DCST2: variants seen among roughly 807,000 people sequenced by gnomAD.
The protein encoded by DCST2 is DC-STAMP domain-containing protein 2.
A neutral mutation model predicts 81.8 loss-of-function variants in DCST2; 64 were observed. That is an observed-to-expected ratio of 0.78 (90% CI 0.64 to 0.96). The LOEUF (loss-of-function observed/expected upper bound fraction) is 0.96. DCST2 is among the 40% of genes least tolerant of loss of function. DCST2 has a pLI of 0.00. For synonymous variants in DCST2, 354 were observed against 402.6 expected (o/e 0.88, Z 1.44); for missense variants, 945 against 1,001.4 (o/e 0.94, Z 0.76).
At position 155,030,560 on chromosome 1, in the gene DCST2, G is replaced by A. The variant is rs1432470574; in HGVS notation, c.891C>T (p.Ala297=). 6.2e-7 allele frequency: 1 copy of A among 1,614,026 alleles called. No homozygotes were observed. Among genetic ancestry groups the A allele is most frequent in the Non-Finnish European group, 8.5e-7 (1 of 1,180,038 alleles). The part of the protein sequence containing the change: ...ATHHFSVDLN[A]SRSLSQVAMD... ...TGGCTACCTGGGACAGGCTCCGAGA[G>A]GCATTGAGATCCACAGAGAAGTGGT... The change falls in exon 6 of 15, where the codon GCC becomes GCT. Residue 297 remains alanine, a synonymous_variant. Coordinates refer to ENST00000368424, the MANE Select transcript of DCST2 (RefSeq NM_144622.3).
rs1169046052 is a variant in DCST2, at chr1:155,030,722, G to C, written c.806-77C>G. ...TGGAGCTGCCCCTGGGGAGGGGCCTGGCACAGCCCAGGGGGCGCAGCTTAC... is the reference window on the plus strand; with the variant it reads ...TGGAGCTGCCCCTGGGGAGGGGCCTCGCACAGCCCAGGGGGCGCAGCTTAC... On this transcript the variant is annotated intron_variant, in intron 5 of 14. Transcript: ENST00000368424. 4.0e-6 allele frequency: 6 copies of C among 1,516,540 alleles called. No individual in the cohort carries two copies. In the East Asian group the frequency reaches 9.2e-5, roughly 23 times the overall value. 93.9% of individuals were successfully genotyped at this position (1,516,540 alleles called of 1,614,324 possible).
chr1:155,023,080 C>A, intron 14 of DCST2, 37 bp downstream of exon 14: 1 of 1,600,104 alleles, frequency 6.2e-7, no homozygotes, highest in Non-Finnish European at 8.5e-7. Flanking sequence ...GCTTAGGACT[C>A]ACAATTCCCA....
At chr1:155,031,957 T>A (rs1475104342) in intron 3 of DCST2, among the ~76,000 whole-genome samples, 186 bp from the exon 4 acceptor site, 1 of 152,124 alleles carries the variant, frequency 6.6e-6, no homozygotes, top group Non-Finnish European at 1.5e-5. Context: ...AGGGTACAGG[T>A]GAGGAGACTG....
rs750679762 is a variant in DCST2, at chr1:155,033,583, T to C, written c.119A>G (p.Tyr40Cys). 1 of 1,614,158 alleles carries C rather than the reference T, an allele frequency of 6.2e-7. No homozygotes were observed. The highest frequency in any genetic ancestry group is 1.1e-5 in the South Asian group (1 of 91,086). ...FTLGLSLATAYGLLELLVEGH... is the reference protein window; with the variant it reads ...FTLGLSLATACGLLELLVEGH... ...TTCCACCAGTAGCTCCAGAAGCCCGTAGGCCGTGGCTAAAGACAAGCCCAG... is the reference window on the plus strand; with the variant it reads ...TTCCACCAGTAGCTCCAGAAGCCCGCAGGCCGTGGCTAAAGACAAGCCCAG... The change falls in exon 1 of 15, where the codon TAC (tyrosine) becomes TGC (cysteine). Residue 40 changes from tyrosine to cysteine, a missense_variant. Tyr to Cys is a radical substitution (Grantham distance 194). Coordinates refer to ENST00000368424, the MANE Select transcript of DCST2 (RefSeq NM_144622.3).
At chr1:155,025,744 G>A (rs1363682531) in intron 10 of DCST2, among the ~76,000 whole-genome samples, 1 of 151,552 alleles carries the variant, frequency 6.6e-6, no homozygotes. Context: ...CCATTACCAG[G>A]CTGGAGTGCA....
At chr1:155,030,822 C>T (rs1329976676) in intron 5 of DCST2, 177 bp from the exon 6 acceptor site, 2 of 647,324 alleles carry the variant, frequency 3.1e-6, no homozygotes, top group Non-Finnish European at 5.3e-6. Flanking sequence ...GTATCTGTGC[C>T]ATCGCCATCA....
Position 155,026,304 on chromosome 1 carries a change from G to T in DCST2, c.1609C>A (p.Gln537Lys). ...ICASYYPSRE[Q>K]ERISYLYNVL... Reference sequence around the variant, plus strand: ...GCTCCCAGCCCCGGACCCCTCACCTGCTCCCGGGATGGGTAGTAGGAGGCA... The same window carrying T: ...GCTCCCAGCCCCGGACCCCTCACCTTCTCCCGGGATGGGTAGTAGGAGGCA... Residue 537 changes from glutamine (Q) to lysine (K), a missense_variant and splice_region_variant, in exon 10 of 15, where the codon CAG (glutamine) becomes AAG (lysine). Transcript: ENST00000368424. 6.2e-7 allele frequency: 1 copy of T among 1,613,690 alleles called. No homozygotes were observed. The highest frequency in any genetic ancestry group is 8.5e-7 in the Non-Finnish European group (1 of 1,179,996).
At position 155,029,326 on chromosome 1, in the gene DCST2, G is replaced by A; in HGVS notation, c.1249C>T (p.Leu417Phe). Residue 417 changes from leucine (L) to phenylalanine (F), a missense_variant, in exon 8 of 15, where the codon CTC becomes TTC. Transcript: ENST00000368424. ...LETFNLIRHLLLVLFLVFLDY... is the reference protein window; with the variant it reads ...LETFNLIRHLFLVLFLVFLDY... ...AGGAAGACTAGGAACAGCACGAGGAGGAGGTGTCGGATAAGGTTGAAGGTC... is the reference window on the plus strand; with the variant it reads ...AGGAAGACTAGGAACAGCACGAGGAAGAGGTGTCGGATAAGGTTGAAGGTC... 1 of 1,614,128 alleles carries A rather than the reference G, an allele frequency of 6.2e-7. No homozygotes were observed. The highest frequency in any genetic ancestry group is 2.2e-5 in the East Asian group (1 of 44,888).
In DCST2 at chr1:155,031,641, T is replaced by C. The variant is rs1409627438; in HGVS notation, c.672A>G (p.Ile224Met). Residue 224 changes from isoleucine (I) to methionine (M), a missense_variant, in exon 4 of 15, where the codon ATA becomes ATG. Coordinates refer to ENST00000368424, the MANE Select transcript of DCST2 (RefSeq NM_144622.3). Reference protein sequence around the residue: ...DDAKDSCMMVIPQAYHLCYVL... With the variant: ...DDAKDSCMMVMPQAYHLCYVL... ...CGTAACACAGGTGGTAGGCTTGTGG[T>C]ATGACCATCATGCAGCTGTCCTTGG... The C allele has an allele frequency of 6.2e-7, 1 of 1,613,604 alleles. No individual in the cohort carries two copies. Among genetic ancestry groups the C allele is most frequent in the Non-Finnish European group, 8.5e-7 (1 of 1,179,988 alleles).
Position 155,033,566 on chromosome 1 carries a change from G to A in DCST2, c.136C>T (p.Leu46=), listed in dbSNP as rs761143430. Residue 46 remains leucine, a synonymous_variant, in exon 1 of 15, where the codon CTG becomes TTG. Coordinates refer to ENST00000368424, the MANE Select transcript of DCST2 (RefSeq NM_144622.3). ...CCCCAGGGGCTGTGGCCTTCCACCA[G>A]TAGCTCCAGAAGCCCGTAGGCCGTG... ...LATAYGLLEL[L]VEGHSPWGCL... is the part of the protein sequence containing the mutation. 1.9e-6 allele frequency: 3 copies of A among 1,614,174 alleles called. No individual in the cohort carries two copies. In the South Asian group the frequency reaches 3.3e-5, roughly 18 times the overall value.
chr1:155,028,750 G>A (rs899891217), intron 8 of DCST2, among the ~76,000 whole-genome samples: 1 of 151,596 alleles, frequency 6.6e-6, no homozygotes, highest in Non-Finnish European at 1.5e-5. Flanking sequence ...GCATGTGCCT[G>A]TAGTCCCAGC....
Position 155,030,211 on chromosome 1 carries a change from G to A in DCST2, c.1050C>T (p.Asn350=). 6.2e-7 allele frequency: 1 copy of A among 1,614,184 alleles called. No homozygotes were observed. Among genetic ancestry groups the A allele is most frequent in the Non-Finnish European group, 8.5e-7 (1 of 1,180,032 alleles). Residue 350 remains asparagine, a synonymous_variant, in exon 7 of 15, where the codon AAC becomes AAT. Coordinates refer to ENST00000368424, the MANE Select transcript of DCST2 (RefSeq NM_144622.3). ...QALFYRYCYL[N]WDHYDNIYIT... ...TGTAGATATTGTCATAATGGTCCCA[G>A]TTCAGGTAACAATACCGGTAAAATA...
chr1:155,030,775 G>A, intron 5 of DCST2, 130 bp from the exon 6 acceptor site: 1 of 922,304 alleles, frequency 1.1e-6, no homozygotes. Context: ...CCCAGTGCTT[G>A]GGTCAAGGTG....
intron 8 of DCST2, 68 bp from the exon 9 acceptor site, chr1:155,026,783 G>A: frequency 6.3e-7 from 1 of 1,588,236 alleles, no homozygotes; most frequent in South Asian, 1.1e-5. Context: ...ACACCTTCTG[G>A]AATGAGGAAA....
intron 7 of DCST2, among the ~76,000 whole-genome samples, 161 bp downstream of exon 7, chr1:155,029,923 C>A (rs1660018646): frequency 6.6e-6 from 1 of 152,240 alleles, no homozygotes; most frequent in African/African-American, 2.4e-5. Context: ...CTTCCCTCAG[C>A]CTGAAAGTTC....
At position 155,030,513 on chromosome 1, in the gene DCST2, C is replaced by G. The variant is rs778536356; in HGVS notation, c.938G>C (p.Ser313Thr). ...QVAMDLHEAV[S>T]MKLHRVREAL... is the part of the protein sequence containing the mutation. Reference sequence around the variant, plus strand: ...CTCTCGGACACGGTGCAGCTTCATGCTGACAGCCTCGTGGAGGTCCATGGC... The same window carrying G: ...CTCTCGGACACGGTGCAGCTTCATGGTGACAGCCTCGTGGAGGTCCATGGC... The change falls in exon 6 of 15, where the codon AGC becomes ACC. Residue 313 changes from serine to threonine, a missense_variant. By Grantham distance (58) the Ser-to-Thr change is moderately conservative. Coordinates refer to ENST00000368424, the MANE Select transcript of DCST2 (RefSeq NM_144622.3). The G allele has an allele frequency of 2.5e-6, 4 of 1,614,018 alleles. No homozygotes were observed. The South Asian group carries it at 3.3e-5, about 13-fold the overall frequency.
Position 155,025,304 on chromosome 1 carries a change from G to A in DCST2, c.1612-702C>T, listed in dbSNP as rs139069757. On this transcript the variant is annotated intron_variant, in intron 10 of 14. Coordinates refer to ENST00000368424, the MANE Select transcript of DCST2 (RefSeq NM_144622.3). Reference sequence around the variant, plus strand: ...TAAATGATTAGTAAATGAGTAAACCGATGGTGAGGGTTTTTTGTTTGTTTT... The same window carrying A: ...TAAATGATTAGTAAATGAGTAAACCAATGGTGAGGGTTTTTTGTTTGTTTT... 8.3e-3 allele frequency among the ~76,000 whole-genome samples: 1,265 copies of A among 152,166 alleles called. 10 individuals carry two copies. The highest frequency in any genetic ancestry group is 0.028 in the African/African-American group (1,177 of 41,512).
chr1:155,029,772 G>A (rs1202649767), intron 7 of DCST2, among the ~76,000 whole-genome samples: 4 of 152,036 alleles, frequency 2.6e-5, no homozygotes, highest in African/African-American at 9.7e-5. Context: ...GACTTCCCTC[G>A]CTCTGTGTCC....
chr1:155,030,945 G>A, intron 5 of DCST2: 5 of 617,384 alleles, frequency 8.1e-6, no homozygotes, highest in South Asian at 6.2e-5. Flanking sequence ...TCTGTTCCCA[G>A]CTCCTGCTCT....
Sources: gnomAD v4.1 joint callset for allele counts (sites outside exome capture counted in the v4.1 genomes callset) on GRCh38, gnomAD v4.1.1 for gene constraint, MANE v1.5 for transcripts, NCBI Gene and HGNC (gene_info 2026-07-23, HGNC 2026-07-21) for gene names.